The following ARSB variants were observed in gnomAD, a reference collection of about 807,000 sequenced individuals.
ARSB encodes the protein N-acetylgalactosamine-4-sulfatase.
In ARSB, 41 loss-of-function variants were observed where a neutral mutation model predicts 50.9. The observed-to-expected ratio is 0.81, with a 90% CI of 0.63 to 1.04. The LOEUF (loss-of-function observed/expected upper bound fraction) is 1.04. Ranked by LOEUF, ARSB falls within the 50% of genes least tolerant of loss-of-function variation. The pLI is 0.00. For synonymous variants in ARSB, 269 were observed against 284.8 expected (o/e 0.94, Z 0.56); for missense variants, 672 against 693.3 (o/e 0.97, Z 0.35).
At chr5:78,964,231 G>C (rs1752114564) in intron 3 of ARSB, among the ~76,000 whole-genome samples, 185 bp downstream of exon 3, 3 of 152,088 alleles carry the variant, frequency 2.0e-5, no homozygotes, top group African/African-American at 7.2e-5. Context: ...CCTAGAGGTG[G>C]GCTCCAGGAA....
At chr5:78,781,323 C>CTTTTTTTTTTTTTTTT (rs376851173) in intron 7 of ARSB, among the ~76,000 whole-genome samples, 8 of 75,320 alleles carry the variant, frequency 1.1e-4, no homozygotes, top group South Asian at 5.7e-4. Flanking sequence ...CTCTCTCTCT[C>CTTTTTTTTTTTTTTTT]TTTTTTTTTT....
At chr5:78,787,311 GA>G (rs1249622170) in intron 6 of ARSB, among the ~76,000 whole-genome samples, 1 of 152,134 alleles carries the variant, frequency 6.6e-6, no homozygotes, top group African/African-American at 2.4e-5. Context: ...AGTAACCTTA[GA>G]AATCAGCAAG....
chr5:78,958,323 A>C (rs1250078608), intron 3 of ARSB, among the ~76,000 whole-genome samples: 1 of 152,102 alleles, frequency 6.6e-6, no homozygotes, highest in Non-Finnish European at 1.5e-5. Context: ...CATGGCAACC[A>C]CCTGGCGAAG....
rs1218873416 is a variant in ARSB, at chr5:78,937,345, ATATCATATATATGTAAGATATATATATG to A, written c.898+17922_898+17949del. Among the ~76,000 whole-genome samples the A allele has an allele frequency of 1.5e-4, 20 of 136,572 alleles. 1 individual carries two copies. Among genetic ancestry groups the A allele is most frequent in the East Asian group, 1.1e-3 (5 of 4,498 alleles). The allele number at this position is 136,572 out of a possible 152,430, so 89.6% of individuals were successfully genotyped here. ...TAAGATATATATATGTAAGATATATATATCATATATATGTAAGATATATATATGTAAGATATATATATCATATATATGT... is the reference window on the plus strand; with the variant it reads ...TAAGATATATATATGTAAGATATATATAAGATATATATATCATATATATGT... On this transcript the variant is annotated intron_variant, in intron 4 of 7. Transcript: ENST00000264914.
intron 1 of ARSB, among the ~76,000 whole-genome samples, chr5:78,970,617 G>A (rs919119342): frequency 3.3e-5 from 5 of 152,088 alleles, no homozygotes; most frequent in Non-Finnish European, 7.4e-5. Context: ...AGAAGGAGAG[G>A]GAGACAGTGA....
At chr5:78,850,685 G>A (rs997277765) in intron 5 of ARSB, among the ~76,000 whole-genome samples, 2 of 152,178 alleles carry the variant, frequency 1.3e-5, no homozygotes. Context: ...AATCCAACTG[G>A]TCTTGGACTC....
chr5:78,839,388 T>C lies in ARSB; in HGVS notation c.1181A>G (p.Asn394Ser), dbSNP rs1465162220. 5 of 1,613,930 alleles carry C rather than the reference T, an allele frequency of 3.1e-6. No individual in the cohort carries two copies. The highest frequency in any genetic ancestry group is 4.2e-6 in the Non-Finnish European group (5 of 1,179,870). ...SPSPRIELLH[N>S]IDPNFVDSSP... ...AGAGTCCACGAAGTTCGGGTCAATA[T>C]TATGCAGCAGCTCAATTCTGGGGGA... The change falls in exon 6 of 8, where the codon AAT (asparagine) becomes AGT (serine). Residue 394 changes from asparagine (N) to serine (S), a missense_variant. Transcript: ENST00000264914.
intron 6 of ARSB, among the ~76,000 whole-genome samples, chr5:78,825,369 T>C (rs1744392582): frequency 6.6e-6 from 1 of 152,370 alleles, no homozygotes; most frequent in South Asian, 2.1e-4. Context: ...AAAATGTTTA[T>C]TCATTTCAGC....
intron 4 of ARSB, among the ~76,000 whole-genome samples, chr5:78,915,125 T>A (rs1749485797): frequency 6.6e-6 from 1 of 152,236 alleles, no homozygotes; most frequent in Admixed American, 6.5e-5. Flanking sequence ...CTTTCCCTTT[T>A]GTCAAACAAA....
intron 1 of ARSB, among the ~76,000 whole-genome samples, chr5:78,975,494 T>C (rs1752625874): frequency 6.6e-6 from 1 of 152,208 alleles, no homozygotes; most frequent in South Asian, 2.1e-4. Context: ...CCCTTAAGAA[T>C]GAAACCTTGG....
intron 6 of ARSB, among the ~76,000 whole-genome samples, chr5:78,826,699 G>A (rs147555126): frequency 2.0e-5 from 3 of 152,224 alleles, no homozygotes; most frequent in South Asian, 4.1e-4. Context: ...AGGCATTTAG[G>A]AAAGAAAACA....
intron 5 of ARSB, among the ~76,000 whole-genome samples, chr5:78,878,837 T>C (rs1335487318): frequency 4.2e-5 from 6 of 141,518 alleles, no homozygotes; most frequent in Admixed American, 7.6e-5. Flanking sequence ...GAAATTCCTA[T>C]CATTATGATC....
intron 6 of ARSB, chr5:78,783,339 T>C (rs1043376489): frequency 6.6e-6 from 1 of 152,136 alleles, no homozygotes; most frequent in African/African-American, 2.4e-5. Context: ...TCTGTGCTCC[T>C]GGGGTTTTCA....
At chr5:78,879,202 A>G (rs1018139330) in intron 5 of ARSB, among the ~76,000 whole-genome samples, 3 of 152,224 alleles carry the variant, frequency 2.0e-5, no homozygotes, top group Non-Finnish European at 4.4e-5. Context: ...TTAAAAAGAA[A>G]CTTGCAAGGT....
rs146170993 is a variant in ARSB, at chr5:78,803,891, C to T, written c.1214-21917G>A. On this transcript the variant is annotated intron_variant, in intron 6 of 7. Transcript: ENST00000264914. ...TATTGAACACCTACTTTGTACTAGACGTTGTACTCCAGTGCTATTCCCTGC... is the reference window on the plus strand; with the variant it reads ...TATTGAACACCTACTTTGTACTAGATGTTGTACTCCAGTGCTATTCCCTGC... Among the ~76,000 whole-genome samples, 32 of 152,344 alleles carry T rather than the reference C, an allele frequency of 2.1e-4. 1 individual carries two copies. The East Asian group carries it at 4.6e-3, about 22-fold the overall frequency.
intron 6 of ARSB, among the ~76,000 whole-genome samples, chr5:78,838,585 G>C (rs1745047536): frequency 6.6e-6 from 1 of 152,226 alleles, no homozygotes; most frequent in South Asian, 2.1e-4. Context: ...GAAAGGAGCG[G>C]ATGGGAGCCC....
chr5:78,978,916 T>G (rs1055830865), intron 1 of ARSB, among the ~76,000 whole-genome samples: 5 of 152,344 alleles, frequency 3.3e-5, no homozygotes, highest in African/African-American at 1.2e-4. Context: ...AATCTTGGAT[T>G]AGAAAATGGT....
At chr5:78,919,185 C>T (rs1268921514) in intron 4 of ARSB, among the ~76,000 whole-genome samples, 4 of 152,306 alleles carry the variant, frequency 2.6e-5, no homozygotes, top group African/African-American at 7.2e-5. Flanking sequence ...GCTGATGTTC[C>T]GGTGAACCTG....
chr5:78,816,212 T>C (rs1391217861), intron 6 of ARSB: 21 of 1,607,736 alleles, frequency 1.3e-5, no homozygotes, highest in Non-Finnish European at 1.6e-5. Context: ...TTTCTTACAA[T>C]CTCACTAGAC....
Sources: allele counts gnomAD v4.1 joint callset (sites outside exome capture counted in the v4.1 genomes callset), GRCh38; gene constraint gnomAD v4.1.1; transcripts MANE v1.5; gene names NCBI Gene and HGNC (gene_info 2026-07-23, HGNC 2026-07-21).